RUNX1: variants seen among roughly 807,000 people sequenced by gnomAD.
RUNX1 encodes runt-related transcription factor 1.
Under a neutral mutation model 42.8 loss-of-function variants are expected in RUNX1, and 19 were observed. The observed-to-expected ratio is 0.44, with a 90% CI of 0.31 to 0.65. The LOEUF is 0.65. Among genes scored for constraint, RUNX1 ranks in the 30% least tolerant of loss-of-function variants. The pLI is 0.07. For synonymous variants in RUNX1, 271 were observed against 289.4 expected, an observed-to-expected ratio of 0.94 and a Z score of 0.64; for missense variants, 528 against 672.0, an observed-to-expected ratio of 0.79 and a Z score of 2.37.
At chr21:35,019,714 C>T (rs1029780143) in intron 2 of RUNX1, among the ~76,000 whole-genome samples, 3 of 152,188 alleles carry the variant, frequency 2.0e-5, no homozygotes, top group East Asian at 1.9e-4. Context: ...GGGAAGGGAT[C>T]GACAACCACA....
Position 35,005,388 on chromosome 21 carries a change from CTT to C in RUNX1, c.58+43452_58+43453del, listed in dbSNP as rs1307187506. ...TAAAGCACCACAATTAAATTCCACA[CTT>C]GAGTCAAATTGGAGTCAGATCAGAC... On this transcript the variant is annotated intron_variant, in intron 2 of 8. Coordinates refer to ENST00000675419, the MANE Select transcript of RUNX1 (RefSeq NM_001754.5). Among the ~76,000 whole-genome samples, 5 of 152,316 alleles carry C rather than the reference CTT, an allele frequency of 3.3e-5. No homozygotes were observed. The East Asian group carries it at 7.7e-4, about 23-fold the overall frequency.
intron 2 of RUNX1, among the ~76,000 whole-genome samples, chr21:35,014,979 G>T (rs143559886): frequency 9.5e-4 from 145 of 152,384 alleles, no homozygotes; most frequent in Non-Finnish European, 1.7e-3. Flanking sequence ...CCACACAGCT[G>T]TCCTGGTAGG....
chr21:34,885,846 C>T (rs1043974918), intron 4 of RUNX1, among the ~76,000 whole-genome samples: 1 of 152,154 alleles, frequency 6.6e-6, no homozygotes, highest in African/African-American at 2.4e-5. Context: ...TTTACTTAGT[C>T]GCATCTTTTC....
chr21:34,922,943 C>T (rs1291541044), intron 2 of RUNX1, among the ~76,000 whole-genome samples: 2 of 152,226 alleles, frequency 1.3e-5, no homozygotes, highest in East Asian at 3.8e-4. Flanking sequence ...TCTAAATCTT[C>T]ACAACAATCC....
intron 2 of RUNX1, among the ~76,000 whole-genome samples, chr21:34,927,579 C>G (rs557950327): frequency 6.6e-6 from 1 of 152,298 alleles, no homozygotes; most frequent in Non-Finnish European, 1.5e-5. Context: ...GATGACTTAC[C>G]TGTATATTCA....
intron 2 of RUNX1, among the ~76,000 whole-genome samples, chr21:35,002,597 T>G (rs1261524949): frequency 6.6e-6 from 1 of 151,862 alleles, no homozygotes; most frequent in Non-Finnish European, 1.5e-5. Context: ...CCAGCTAATT[T>G]TTGTATTTTT....
intron 5 of RUNX1, among the ~76,000 whole-genome samples, chr21:34,863,594 T>G (rs976965893): frequency 2.1e-5 from 3 of 144,334 alleles, no homozygotes; most frequent in Non-Finnish European, 3.0e-5. Context: ...TTGCACTGTC[T>G]CCTGGGCTGG....
chr21:34,824,840 A>G (rs2056964814), intron 7 of RUNX1, among the ~76,000 whole-genome samples: 1 of 152,204 alleles, frequency 6.6e-6, no homozygotes, highest in Admixed American at 6.5e-5. Context: ...TCTGTTCCAT[A>G]AGGCAAGGAA....
chr21:34,863,152 A>G (rs2057601157), intron 5 of RUNX1, among the ~76,000 whole-genome samples: 1 of 152,228 alleles, frequency 6.6e-6, no homozygotes, highest in Non-Finnish European at 1.5e-5. Flanking sequence ...TAATTTTCCC[A>G]AAGTCACACA....
At chr21:34,990,702 C>T (rs2058930478) in intron 2 of RUNX1, among the ~76,000 whole-genome samples, 1 of 151,868 alleles carries the variant, frequency 6.6e-6, no homozygotes, top group Non-Finnish European at 1.5e-5. Context: ...AGTGATTCTC[C>T]TGCCTCAGCC....
At chr21:34,909,555 T>C (rs146260316) in intron 2 of RUNX1, among the ~76,000 whole-genome samples, 1 of 137,396 alleles carries the variant, frequency 7.3e-6, no homozygotes, top group Non-Finnish European at 1.5e-5. Flanking sequence ...ACACAGAGTA[T>C]CACTTTCTTA....
At chr21:34,865,274 T>G (rs2057641201) in intron 5 of RUNX1, among the ~76,000 whole-genome samples, 1 of 128,106 alleles carries the variant, frequency 7.8e-6, no homozygotes, top group Non-Finnish European at 1.7e-5. Flanking sequence ...AGGAGGGGTT[T>G]TGTGCGTGTG....
intron 2 of RUNX1, among the ~76,000 whole-genome samples, chr21:34,961,655 G>A (rs756343098): frequency 6.6e-6 from 1 of 152,070 alleles, no homozygotes; most frequent in African/African-American, 2.4e-5. Context: ...TACTAATAAC[G>A]ACACCTGGCC....
intron 2 of RUNX1, among the ~76,000 whole-genome samples, chr21:34,924,802 C>T (rs1304773651): frequency 6.6e-6 from 1 of 152,134 alleles, no homozygotes; most frequent in Non-Finnish European, 1.5e-5. Flanking sequence ...TCTTATAGTT[C>T]TGGAGGCTGG....
At position 34,789,228 on chromosome 21, in the gene RUNX1, T is replaced by C. The variant is rs1285023743; in HGVS notation, c.*2907A>G. On this transcript the variant is annotated 3_prime_UTR_variant, in exon 9 of 9. Transcript: ENST00000675419. ...GACCTTCTTGTGTTCTGAAATTTGG[T>C]ACTGGGTGGGGGTATGTGCTATCTG... is the stretch of plus-strand genomic sequence containing the variant. 3 of 232,922 alleles carry C rather than the reference T, an allele frequency of 1.3e-5. No homozygotes were observed. The highest frequency in any genetic ancestry group is 6.6e-5 in the African/African-American group (3 of 45,152). 14.4% of individuals were successfully genotyped at this position (232,922 alleles called of 1,614,324 possible). A position where few individuals can be genotyped will look rare whatever the true frequency, so the allele number is the denominator to read the frequency against.
intron 2 of RUNX1, among the ~76,000 whole-genome samples, chr21:34,904,575 C>T (rs919435180): frequency 6.6e-5 from 10 of 152,148 alleles, no homozygotes; most frequent in African/African-American, 2.4e-4. Flanking sequence ...GAACCACTGA[C>T]CAATTAGTGC....
At chr21:34,994,211 T>G (rs905932547) in intron 2 of RUNX1, among the ~76,000 whole-genome samples, 1 of 151,992 alleles carries the variant, frequency 6.6e-6, no homozygotes, top group Non-Finnish European at 1.5e-5. Flanking sequence ...TTTTTACCAT[T>G]GCTATTCATA....
intron 2 of RUNX1, among the ~76,000 whole-genome samples, chr21:34,897,147 G>T (rs903808675): frequency 1.3e-5 from 2 of 152,140 alleles, no homozygotes; most frequent in Admixed American, 1.3e-4. Context: ...TCCAGACTTG[G>T]ATCCATGGAT....
chr21:34,907,465 T>C lies in RUNX1; in HGVS notation c.59-14502A>G, dbSNP rs2058231950. Reference sequence around the variant, plus strand: ...TGCTTCCTGAAGCTCTTTTTTTGATTGATGTATCTCCCCTGAGCCCTGGCA... The same window carrying C: ...TGCTTCCTGAAGCTCTTTTTTTGATCGATGTATCTCCCCTGAGCCCTGGCA... On this transcript the variant is annotated intron_variant, in intron 2 of 8. Transcript: ENST00000675419. This position sits in a 1 kb window ranked among gnomAD's most constrained non-coding sequence, Gnocchi z 5.3. 6.6e-6 allele frequency among the ~76,000 whole-genome samples: 1 copy of C among 152,176 alleles called. No individual in the cohort carries two copies. Among genetic ancestry groups the C allele is most frequent in the Non-Finnish European group, 1.5e-5 (1 of 68,030 alleles).
Sources: gnomAD v4.1 joint callset for allele counts (sites outside exome capture counted in the v4.1 genomes callset) on GRCh38, gnomAD v4.1.1 for gene constraint, Gnocchi (gnomAD v3.1) non-coding constraint, MANE v1.5 for transcripts, NCBI Gene and HGNC (gene_info 2026-07-23, HGNC 2026-07-21) for gene names.